RCC1: variants seen among roughly 807,000 people sequenced by gnomAD.
RCC1 encodes regulator of chromosome condensation.
Under a neutral mutation model 44.4 loss-of-function variants are expected in RCC1, and 11 were observed. The observed-to-expected ratio is 0.25, with a 90% CI of 0.16 to 0.41. The LOEUF (loss-of-function observed/expected upper bound fraction) is 0.41. Ranked by LOEUF, RCC1 falls within the 10% of genes least tolerant of loss-of-function variation. RCC1 has a pLI of 1.00. For missense variants in RCC1, 386 were observed against 547.1 expected, an observed-to-expected ratio of 0.71 and a Z score of 2.94; for synonymous variants, 213 against 216.5, an observed-to-expected ratio of 0.98 and a Z score of 0.14.
rs556625304 is a variant in RCC1, at chr1:28,536,087, C to G, written c.817+61C>G. On this transcript the variant is annotated intron_variant, in intron 10 of 12. Transcript: ENST00000683442. The surrounding 1 kb of genome is among the most constrained non-coding windows in gnomAD (Gnocchi z 4.9). ...GGCCTGCGTTCCTGTCCTGGCTCTG[C>G]CACTCATTCATTGTGCATCCTTTGC... is the stretch of plus-strand genomic sequence containing the variant. 6.4e-7 allele frequency: 1 copy of G among 1,556,646 alleles called. No homozygotes were observed. The highest frequency in any genetic ancestry group is 1.4e-5 in the African/African-American group (1 of 73,376).
Position 28,536,042 on chromosome 1 carries a change from A to G in RCC1, c.817+16A>G. 3 of 1,596,486 alleles carry G rather than the reference A, an allele frequency of 1.9e-6. No individual in the cohort carries two copies. The highest frequency in any genetic ancestry group is 2.6e-6 in the Non-Finnish European group (3 of 1,169,678). On this transcript the variant is annotated intron_variant, in intron 10 of 12. Coordinates refer to ENST00000683442, the MANE Select transcript of RCC1 (RefSeq NM_001381865.2). The surrounding 1 kb of genome is among the most constrained non-coding windows in gnomAD (Gnocchi z 4.9). ...CATCAGCTTGGTGAGCCCCGAGCCC[A>G]GCTTCAGGCATGACCCAGTGGCCTG...
At chr1:28,507,766 C>T in intron 1 of RCC1, 2 of 340,734 alleles carry the variant, frequency 5.9e-6, no homozygotes, top group South Asian at 4.5e-5. Context: ...GCCACCACGC[C>T]AGGCTAATTT....
At chr1:28,509,093 A>G (rs904288569) in intron 3 of RCC1, 188 bp downstream of exon 3, 3 of 355,476 alleles carry the variant, frequency 8.4e-6, no homozygotes, top group South Asian at 2.2e-5. Context: ...ATAAGCCACC[A>G]CGCCCAGCCC....
intron 2 of RCC1, chr1:28,508,507 G>A: frequency 1.4e-5 from 7 of 483,326 alleles, no homozygotes; most frequent in South Asian, 8.8e-5. Context: ...TACTGTGGGT[G>A]ATTAGCAATA....
chr1:28,530,634 C>G, intron 5 of RCC1: 1 of 1,583,750 alleles, frequency 6.3e-7, no homozygotes, highest in Non-Finnish European at 8.5e-7. Context: ...GCGCCCGGGG[C>G]GCCCTCTGTG....
At chr1:28,509,415 T>A (rs1662324823) in intron 3 of RCC1, 1 of 158,658 alleles carries the variant, frequency 6.3e-6, no homozygotes, top group Admixed American at 6.0e-5. Context: ...CTAATTTTTG[T>A]ATTTTTAGTA....
At chr1:28,517,303 T>A (rs1394446748) in intron 4 of RCC1, among the ~76,000 whole-genome samples, 2 of 151,974 alleles carry the variant, frequency 1.3e-5, no homozygotes, top group Non-Finnish European at 2.9e-5. Context: ...GAAGAATGGG[T>A]GTTAATAAGA....
In RCC1 at chr1:28,536,968, T is replaced by A. The variant is rs1664594180; in HGVS notation, c.1090+69T>A. ...TCATGGTTCTTACCCAATTCCCCAA[T>A]AGGCTGTGATGTCCACTCTCGGGGG... On this transcript the variant is annotated intron_variant, in intron 12 of 12. Transcript: ENST00000683442. This position sits in a 1 kb window ranked among gnomAD's most constrained non-coding sequence, Gnocchi z 4.9. 6.5e-7 allele frequency: 1 copy of A among 1,549,290 alleles called. No individual in the cohort carries two copies. The highest frequency in any genetic ancestry group is 1.1e-5 in the South Asian group (1 of 88,130).
Position 28,538,132 on chromosome 1 carries a change from T to C in RCC1, c.*125T>C. On this transcript the variant is annotated 3_prime_UTR_variant, in exon 13 of 13. Coordinates refer to ENST00000683442, the MANE Select transcript of RCC1 (RefSeq NM_001381865.2). ...GAGCACTGTGTCAGTTCCTGCCTTT[T>C]CTCATCAGCAGAACAGAATCCTTTT... 2 of 785,660 alleles carry C rather than the reference T, an allele frequency of 2.5e-6. No individual in the cohort carries two copies. Among genetic ancestry groups the C allele is most frequent in the Non-Finnish European group, 4.0e-6 (2 of 505,934 alleles). 48.7% of individuals were successfully genotyped at this position (785,660 alleles called of 1,614,324 possible). A position where few individuals can be genotyped will look rare whatever the true frequency, so the allele number is the denominator to read the frequency against.
intron 4 of RCC1, among the ~76,000 whole-genome samples, 165 bp downstream of exon 4, chr1:28,517,032 A>G (rs1662936771): frequency 6.6e-6 from 1 of 151,924 alleles, no homozygotes; most frequent in Non-Finnish European, 1.5e-5. Flanking sequence ...GAGGCAGGAG[A>G]ATCGCTTGAA....
rs533401912 is a variant in RCC1 at position 28,535,519 on chromosome 1, G to A, written c.661+139G>A. On this transcript the variant is annotated intron_variant, in intron 9 of 12. Transcript: ENST00000683442. ...TTGGTTAGGACTTTGGAGACAGACT[G>A]CTCTGGTAGTTTTGCCACCTACTGT... 14 of 1,361,898 alleles carry A rather than the reference G, an allele frequency of 1.0e-5. 1 individual carries two copies. The highest frequency in any genetic ancestry group is 1.8e-4 in the Middle Eastern group (1 of 5,622). 84.4% of individuals were successfully genotyped at this position (1,361,898 alleles called of 1,614,324 possible). A position where few individuals can be genotyped will look rare whatever the true frequency, so the allele number is the denominator to read the frequency against.
intron 3 of RCC1, among the ~76,000 whole-genome samples, chr1:28,512,618 TA>T (rs1274503097): frequency 6.6e-6 from 1 of 152,202 alleles, no homozygotes; most frequent in East Asian, 1.9e-4. Flanking sequence ...TCTTTTTTTC[TA>T]ATGTAGGCAT....
At chr1:28,530,753 C>T in intron 5 of RCC1, 2 of 622,820 alleles carry the variant, frequency 3.2e-6, no homozygotes, top group South Asian at 2.1e-5. Flanking sequence ...CACAGAGAGC[C>T]CCGGGCGCGC....
intron 2 of RCC1, 170 bp from the exon 3 acceptor site, chr1:28,508,660 G>A (rs529357723): frequency 1.3e-5 from 7 of 518,978 alleles, no homozygotes; most frequent in Admixed American, 3.9e-5. Flanking sequence ...TTTCCACAAC[G>A]TTGAAGATGA....
intron 3 of RCC1, among the ~76,000 whole-genome samples, chr1:28,515,107 G>A (rs1662811569): frequency 6.6e-6 from 1 of 152,048 alleles, no homozygotes; most frequent in South Asian, 2.1e-4. Context: ...GTGAAACCCT[G>A]TCTCTACCAA....
At chr1:28,515,006 G>A (rs1293439870) in intron 3 of RCC1, among the ~76,000 whole-genome samples, 4 of 152,154 alleles carry the variant, frequency 2.6e-5, no homozygotes, top group Admixed American at 1.3e-4. Context: ...AGCCAGTTGC[G>A]ATGGCTCACT....
intron 3 of RCC1, among the ~76,000 whole-genome samples, chr1:28,511,809 C>T (rs1369646309): frequency 1.3e-5 from 2 of 148,706 alleles, no homozygotes; most frequent in African/African-American, 2.5e-5. Context: ...TACAGGCGCA[C>T]GCCACCATGC....
rs2124675228 is a variant in RCC1 at position 28,538,595 on chromosome 1, A to C, written c.*588A>C. Reference sequence around the variant, plus strand: ...ACAAAAAAGAACGATCCTCCACTTGACCAAGAAAAAAGTGATTCTCCCAGA... The same window carrying C: ...ACAAAAAAGAACGATCCTCCACTTGCCCAAGAAAAAAGTGATTCTCCCAGA... On this transcript the variant is annotated 3_prime_UTR_variant, in exon 13 of 13. Transcript: ENST00000683442. 1 of 152,400 alleles carries C rather than the reference A, an allele frequency of 6.6e-6. No homozygotes were observed. The highest frequency in any genetic ancestry group is 1.9e-4 in the East Asian group (1 of 5,182). The allele number at this position is 152,400 out of a possible 1,614,324, so 9.4% of individuals were successfully genotyped here. A position where few individuals can be genotyped will look rare whatever the true frequency, so the allele number is the denominator to read the frequency against.
intron 4 of RCC1, among the ~76,000 whole-genome samples, chr1:28,521,981 T>G (rs1663313553): frequency 6.6e-6 from 1 of 152,158 alleles, no homozygotes; most frequent in Non-Finnish European, 1.5e-5. Context: ...TCCTTAACTG[T>G]GAAATAGGAG....
Sources: gnomAD v4.1 joint callset for allele counts (sites outside exome capture counted in the v4.1 genomes callset) on GRCh38, gnomAD v4.1.1 for gene constraint, Gnocchi (gnomAD v3.1) non-coding constraint, MANE v1.5 for transcripts, NCBI Gene and HGNC (gene_info 2026-07-23, HGNC 2026-07-21) for gene names.